The following NGEF variants were observed in gnomAD, a reference collection of about 807,000 sequenced individuals.
NGEF encodes ephexin-1.
A neutral mutation model predicts 80.9 loss-of-function variants in NGEF; 31 were observed. The observed-to-expected ratio is 0.38, with a 90% CI of 0.29 to 0.52. The LOEUF (loss-of-function observed/expected upper bound fraction) is 0.52. Among genes scored for constraint, NGEF ranks in the 20% least tolerant of loss-of-function variants. The pLI is 0.84. For synonymous variants in NGEF, 371 were observed against 370.2 expected, an observed-to-expected ratio of 1.00 and a Z score of -0.03; for missense variants, 709 against 926.2, an observed-to-expected ratio of 0.77 and a Z score of 3.04.
At chr2:233,004,349 ATGTCAT>A (rs1695043898) in intron 1 of NGEF, among the ~76,000 whole-genome samples, 1 of 152,008 alleles carries the variant, frequency 6.6e-6, no homozygotes, top group Non-Finnish European at 1.5e-5. Context: ...ACACCTGAGC[ATGTCAT>A]TGGGACAGCT....
chr2:232,893,639 G>A (rs1691958081), intron 6 of NGEF, among the ~76,000 whole-genome samples: 1 of 152,166 alleles, frequency 6.6e-6, no homozygotes, highest in African/African-American at 2.4e-5. Context: ...GCCGAGTGTG[G>A]TGGTGGACGC....
chr2:232,920,638 A>G, intron 4 of NGEF, 53 bp from the exon 5 acceptor site: 3 of 1,485,114 alleles, frequency 2.0e-6, no homozygotes, highest in Non-Finnish European at 2.7e-6. Context: ...GATGACAATC[A>G]TTAGAAATCC....
intron 5 of NGEF, among the ~76,000 whole-genome samples, chr2:232,911,917 G>A (rs769767194): frequency 2.6e-4 from 40 of 152,150 alleles, no homozygotes; most frequent in Non-Finnish European, 5.0e-4. Flanking sequence ...TCTTTGGGAT[G>A]TTTCAAGTAA....
chr2:232,888,571 G>A (rs2675955), intron 8 of NGEF, among the ~76,000 whole-genome samples: 36,472 of 151,750 alleles, frequency 0.24, 4,886 homozygotes, highest in Non-Finnish European at 0.3. Flanking sequence ...ACACACACAC[G>A]CATGCACGCA....
At chr2:232,991,564 A>C (rs1227510112) in intron 1 of NGEF, among the ~76,000 whole-genome samples, 1 of 152,204 alleles carries the variant, frequency 6.6e-6, no homozygotes. Context: ...AGATGCTGAA[A>C]CTACAAAATA....
chr2:232,928,239 C>T (rs1243688598), intron 3 of NGEF: 10 of 855,898 alleles, frequency 1.2e-5, no homozygotes, highest in African/African-American at 1.9e-5. Context: ...GGGGCGAGGC[C>T]GGGCGGCGGC....
At chr2:232,886,667 A>G (rs2592126) in intron 9 of NGEF, among the ~76,000 whole-genome samples, 98,685 of 152,224 alleles carry the variant, frequency 0.65, 32,551 homozygotes, top group African/African-American at 0.75. Context: ...TCATTATAAG[A>G]AAAATGAAGA....
At chr2:232,968,445 G>A (rs1372203550) in intron 3 of NGEF, among the ~76,000 whole-genome samples, 3 of 150,738 alleles carry the variant, frequency 2.0e-5, no homozygotes, top group East Asian at 2.0e-4. Flanking sequence ...TCGCTCTGTT[G>A]CGCAGGCTGG....
At chr2:232,931,644 C>A (rs1019197036) in intron 3 of NGEF, among the ~76,000 whole-genome samples, 1 of 152,102 alleles carries the variant, frequency 6.6e-6, no homozygotes, top group African/African-American at 2.4e-5. Context: ...CAGACTTAAC[C>A]GTCCCAACAA....
Position 232,885,340 on chromosome 2 carries a change from C to T in NGEF, c.1377G>A (p.Arg459=). The stretch of plus-strand genomic sequence containing the variant: ...TCATCTGTTCCGTGCGGCTCATTTT[C>T]CTGACGCCCTCGTTGCATGCCTTCA... ...MVVKACNEGV[R]KMSRTEQMIS... is the part of the protein sequence containing the mutation. The change falls in exon 10 of 15, where the codon AGG becomes AGA. Residue 459 remains arginine, a synonymous_variant. Coordinates refer to ENST00000264051, the MANE Select transcript of NGEF (RefSeq NM_019850.3). 6.2e-7 allele frequency: 1 copy of T among 1,614,148 alleles called. No homozygotes were observed. The highest frequency in any genetic ancestry group is 8.5e-7 in the Non-Finnish European group (1 of 1,180,028).
chr2:232,927,751 G>A, intron 3 of NGEF: 1 of 447,426 alleles, frequency 2.2e-6, no homozygotes, highest in Non-Finnish European at 3.6e-6. Context: ...ACGGGGCCCG[G>A]GGGTGGGAGT....
chr2:232,910,562 C>T (rs959806189), intron 5 of NGEF, among the ~76,000 whole-genome samples: 2 of 152,166 alleles, frequency 1.3e-5, no homozygotes, highest in Non-Finnish European at 2.9e-5. Context: ...GTCAACAGCG[C>T]CACTGATGAG....
chr2:232,935,208 T>C (rs1693304578), intron 3 of NGEF, among the ~76,000 whole-genome samples: 1 of 152,194 alleles, frequency 6.6e-6, no homozygotes, highest in South Asian at 2.1e-4. Flanking sequence ...GTTTATAAAA[T>C]TTTTCTTGAT....
intron 8 of NGEF, among the ~76,000 whole-genome samples, chr2:232,889,028 C>T (rs1170761800): frequency 1.3e-5 from 2 of 152,146 alleles, no homozygotes; most frequent in African/African-American, 4.8e-5. Flanking sequence ...CTGGGTGCCA[C>T]GGCAGCACAG....
chr2:232,959,633 G>A (rs1371738341), intron 3 of NGEF, among the ~76,000 whole-genome samples: 6 of 150,156 alleles, frequency 4.0e-5, no homozygotes, highest in Non-Finnish European at 5.9e-5. Context: ...TGGCTGGAGT[G>A]CAATGGCGCA....
chr2:232,907,159 T>TAAAAA (rs1181408500), intron 5 of NGEF, among the ~76,000 whole-genome samples: 2 of 25,754 alleles, frequency 7.8e-5, no homozygotes, highest in African/African-American at 1.3e-4. Flanking sequence ...AATGATCAAT[T>TAAAAA]AAAAAAAAAA....
intron 5 of NGEF, among the ~76,000 whole-genome samples, chr2:232,915,168 A>AT (rs1482867979): frequency 1.3e-5 from 2 of 151,914 alleles, no homozygotes; most frequent in Admixed American, 1.3e-4. Context: ...CCTGTAGGTG[A>AT]TTTTTTGGGG....
At chr2:232,996,507 G>T (rs572506590) in intron 1 of NGEF, among the ~76,000 whole-genome samples, 1 of 152,196 alleles carries the variant, frequency 6.6e-6, no homozygotes, top group African/African-American at 2.4e-5. Flanking sequence ...CTTGGTATCC[G>T]TGGGGGGATT....
At chr2:232,988,336 A>G (rs1694581422) in intron 1 of NGEF, among the ~76,000 whole-genome samples, 1 of 152,254 alleles carries the variant, frequency 6.6e-6, no homozygotes. Context: ...AACAGCACAC[A>G]GAAAGTTGAT....
Sources: allele counts gnomAD v4.1 joint callset (sites outside exome capture counted in the v4.1 genomes callset), GRCh38; gene constraint gnomAD v4.1.1; transcripts MANE v1.5; gene names NCBI Gene and HGNC (gene_info 2026-07-23, HGNC 2026-07-21).